Variants in NARS2 observed in about 807,000 individuals in gnomAD.
NARS2 encodes asparaginyl-tRNA synthetase 2, mitochondrial.
In NARS2, 60 loss-of-function variants were observed where a neutral mutation model predicts 62.9. The ratio of observed to expected loss-of-function variants is 0.95; its 90% CI spans 0.77 to 1.18. The LOEUF (loss-of-function observed/expected upper bound fraction) is 1.18. Ranked by LOEUF, NARS2 falls within the 50% of genes most tolerant of loss-of-function variation. NARS2 has a pLI of 0.00. For missense variants in NARS2, 619 were observed against 576.4 expected (o/e 1.07, Z -0.76); for synonymous variants, 196 against 200.0 (o/e 0.98, Z 0.17).
chr11:78,480,120 G>A (rs1437861557), intron 7 of NARS2, among the ~76,000 whole-genome samples: 1 of 151,980 alleles, frequency 6.6e-6, no homozygotes, highest in Non-Finnish European at 1.5e-5. Context: ...GACTGGTCTC[G>A]AACTCCTAAG....
chr11:78,506,755 C>G (rs1054630484), intron 6 of NARS2, among the ~76,000 whole-genome samples: 3 of 152,138 alleles, frequency 2.0e-5, no homozygotes, highest in African/African-American at 7.2e-5. Context: ...AGGCTGGTCT[C>G]GAACTCCTGA....
intron 7 of NARS2, among the ~76,000 whole-genome samples, chr11:78,490,298 T>C (rs906680582): frequency 2.6e-5 from 4 of 152,220 alleles, no homozygotes; most frequent in African/African-American, 7.2e-5. Context: ...CTGATCTCTC[T>C]GGAGTAGTCC....
rs572332703 is a variant in NARS2 at position 78,530,713 on chromosome 11, G to A, written c.595-1777C>T. On this transcript the variant is annotated intron_variant, in intron 5 of 13. Transcript: ENST00000281038. ...GTCTCCTGACCTCAAGTGATCTGCC[G>A]GCCTCAGCCTCCCAAAGTGCTGAGA... is the stretch of plus-strand genomic sequence containing the variant. Among the ~76,000 whole-genome samples the A allele has an allele frequency of 1.6e-4, 25 of 152,098 alleles. No homozygotes were observed. In the East Asian group the frequency reaches 4.1e-3, roughly 25 times the overall value.
At chr11:78,443,031 T>G (rs1024612429) in intron 12 of NARS2, among the ~76,000 whole-genome samples, 3 of 151,996 alleles carry the variant, frequency 2.0e-5, no homozygotes, top group African/African-American at 7.3e-5. Context: ...AAGATAAAAA[T>G]GTAGGACAAG....
At chr11:78,531,942 C>G (rs1306974449) in intron 5 of NARS2, among the ~76,000 whole-genome samples, 1 of 152,104 alleles carries the variant, frequency 6.6e-6, no homozygotes, top group Non-Finnish European at 1.5e-5. Flanking sequence ...ATGTTTGGAA[C>G]TTAACAGAGG....
intron 7 of NARS2, among the ~76,000 whole-genome samples, chr11:78,483,838 T>C (rs1437343436): frequency 2.0e-5 from 3 of 152,184 alleles, no homozygotes; most frequent in Non-Finnish European, 4.4e-5. Context: ...ATAGATTCAA[T>C]GCTATTCCCA....
At chr11:78,449,076 GCA>G (rs1857867510) in intron 11 of NARS2, among the ~76,000 whole-genome samples, 1 of 150,942 alleles carries the variant, frequency 6.6e-6, no homozygotes, top group Non-Finnish European at 1.5e-5. Context: ...ATCTGCAACT[GCA>G]CAGTTATAGT....
chr11:78,479,664 A>G (rs1225016721), intron 7 of NARS2, among the ~76,000 whole-genome samples: 1 of 152,236 alleles, frequency 6.6e-6, no homozygotes, highest in Non-Finnish European at 1.5e-5. Context: ...CAACAAGACA[A>G]TATTACGTCT....
intron 12 of NARS2, among the ~76,000 whole-genome samples, chr11:78,443,160 C>T (rs1857628748): frequency 6.6e-6 from 1 of 151,862 alleles, no homozygotes; most frequent in Non-Finnish European, 1.5e-5. Context: ...TCTGTCTCTA[C>T]TAAAAAATAC....
At chr11:78,544,622 G>A (rs749023681) in intron 5 of NARS2, among the ~76,000 whole-genome samples, 24 of 151,946 alleles carry the variant, frequency 1.6e-4, no homozygotes, top group Admixed American at 4.6e-4. Context: ...GTGAAACCCC[G>A]TCTCTACTAA....
intron 4 of NARS2, among the ~76,000 whole-genome samples, chr11:78,563,873 T>C (rs113149997): frequency 0.51 from 48,651 of 95,188 alleles, 17,353 homozygotes; most frequent in Non-Finnish European, 0.65. Flanking sequence ...TATATATGTA[T>C]ACACACACAC....
At chr11:78,443,524 A>G (rs1417791855) in intron 12 of NARS2, 137 bp downstream of exon 12, 4 of 489,956 alleles carry the variant, frequency 8.2e-6, no homozygotes, top group Non-Finnish European at 1.1e-5. Context: ...CAACTTGCTC[A>G]AGGACATAGA....
intron 9 of NARS2, among the ~76,000 whole-genome samples, chr11:78,476,801 A>T (rs1457303610): frequency 1.3e-5 from 2 of 152,104 alleles, no homozygotes; most frequent in African/African-American, 4.8e-5. Context: ...ACAAGAGTTA[A>T]GTGACATGTA....
intron 11 of NARS2, among the ~76,000 whole-genome samples, chr11:78,462,215 G>C (rs1474743860): frequency 6.6e-6 from 1 of 152,112 alleles, no homozygotes; most frequent in African/African-American, 2.4e-5. Flanking sequence ...GCTGGAATTG[G>C]AATGGGCTGG....
intron 6 of NARS2, among the ~76,000 whole-genome samples, chr11:78,521,030 G>C (rs1201801840): frequency 7.5e-5 from 11 of 146,860 alleles, no homozygotes; most frequent in African/African-American, 2.8e-4. Flanking sequence ...CTGCACTCCA[G>C]CCTGGGCGAC....
chr11:78,492,928 A>T (rs536610584), intron 7 of NARS2, 135 bp downstream of exon 7: 1 of 688,560 alleles, frequency 1.5e-6, no homozygotes, highest in East Asian at 2.7e-5. Flanking sequence ...AAGGCATTCA[A>T]TAAGTGTTTA....
chr11:78,573,971 G>C (rs1207820246), intron 1 of NARS2, among the ~76,000 whole-genome samples: 1 of 152,220 alleles, frequency 6.6e-6, no homozygotes, highest in East Asian at 1.9e-4. Context: ...AGCCATGTGT[G>C]AATACAAAGG....
chr11:78,468,694 G>C (rs187036520), intron 10 of NARS2, among the ~76,000 whole-genome samples: 1 of 151,730 alleles, frequency 6.6e-6, no homozygotes, highest in East Asian at 1.9e-4. Context: ...GTGAGCCACC[G>C]CACCCAGCCT....
rs112389422 is a variant in NARS2, at chr11:78,460,271, A to ATTTTT, written c.1164+5600_1164+5604dup. Among the ~76,000 whole-genome samples the ATTTTT allele has an allele frequency of 2.8e-3, 406 of 145,298 alleles. 2 individuals carry two copies. Among genetic ancestry groups the ATTTTT allele is most frequent in the Middle Eastern group, 7.3e-3 (2 of 274 alleles). ...GAAGAGTGACAACATGATTGGGTTA[A>ATTTTT]TTTTTTTTTTTTTTTAATGGGGATG... On this transcript the variant is annotated intron_variant, in intron 11 of 13. Transcript: ENST00000281038.
Sources: gnomAD v4.1 joint callset for allele counts (sites outside exome capture counted in the v4.1 genomes callset) on GRCh38, gnomAD v4.1.1 for gene constraint, MANE v1.5 for transcripts, NCBI Gene and HGNC (gene_info 2026-07-23, HGNC 2026-07-21) for gene names.